The following DOCK1 variants were observed in gnomAD, a reference collection of about 807,000 sequenced individuals.
DOCK1 encodes the protein dedicator of cytokinesis 1, also known as dedicator of cytokinesis protein 1.
A neutral mutation model predicts 262.7 loss-of-function variants in DOCK1; 138 were observed. The ratio of observed to expected loss-of-function variants is 0.53; its 90% CI spans 0.46 to 0.61. The LOEUF (loss-of-function observed/expected upper bound fraction) is 0.61. DOCK1 is among the 20% of genes least tolerant of loss of function. The pLI, the probability that DOCK1 is intolerant of heterozygous loss-of-function variation, is 0.00. For synonymous variants in DOCK1, 866 were observed against 867.4 expected, an observed-to-expected ratio of 1.00 and a Z score of 0.03; for missense variants, 1,908 against 2,370.7, an observed-to-expected ratio of 0.80 and a Z score of 4.05.
intron 23 of DOCK1, among the ~76,000 whole-genome samples, chr10:127,077,838 G>T (rs568342239): frequency 3.3e-5 from 5 of 152,244 alleles, no homozygotes; most frequent in South Asian, 4.2e-4. Context: ...CCTCAGAGCA[G>T]GTTGGACTGC....
chr10:126,938,335 A>T (rs976402042), intron 1 of DOCK1, among the ~76,000 whole-genome samples: 1 of 152,238 alleles, frequency 6.6e-6, no homozygotes, highest in Non-Finnish European at 1.5e-5. Context: ...GGCAAGAGCC[A>T]CTGCGCCCGG....
intron 48 of DOCK1, 151 bp from the exon 49 acceptor site, chr10:127,438,876 G>T: frequency 1.4e-6 from 1 of 714,602 alleles, no homozygotes; most frequent in Non-Finnish European, 2.3e-6. Flanking sequence ...CTTGCATCTG[G>T]TGACTGTGTA....
intron 27 of DOCK1, among the ~76,000 whole-genome samples, chr10:127,201,247 C>T (rs1367602390): frequency 6.6e-6 from 1 of 152,164 alleles, no homozygotes; most frequent in South Asian, 2.1e-4. Flanking sequence ...CCTTCACTCT[C>T]CTCTTTCTGG....
intron 29 of DOCK1, among the ~76,000 whole-genome samples, chr10:127,280,160 G>A (rs934164082): frequency 1.3e-5 from 2 of 149,884 alleles, no homozygotes; most frequent in Non-Finnish European, 3.0e-5. Flanking sequence ...TCAGCCTCCC[G>A]AGTAGCTGGG....
intron 29 of DOCK1, among the ~76,000 whole-genome samples, chr10:127,329,553 GA>G: frequency 6.6e-6 from 1 of 152,172 alleles, no homozygotes; most frequent in Admixed American, 6.5e-5. Flanking sequence ...CTGGGGCGGG[GA>G]CTCTGGGGCG....
chr10:127,428,198 T>A (rs2068945896), intron 47 of DOCK1, among the ~76,000 whole-genome samples: 1 of 152,270 alleles, frequency 6.6e-6, no homozygotes, highest in Non-Finnish European at 1.5e-5. Context: ...TTGTGAAATC[T>A]TGACATTTTC....
chr10:126,948,569 A>C (rs1163717167), intron 1 of DOCK1, among the ~76,000 whole-genome samples: 8 of 151,996 alleles, frequency 5.3e-5, no homozygotes, highest in South Asian at 4.2e-4. Context: ...GGGTCGGGAT[A>C]GGCACCCTGA....
At chr10:127,092,774 CG>C (rs1217090245) in intron 23 of DOCK1, among the ~76,000 whole-genome samples, 3 of 152,138 alleles carry the variant, frequency 2.0e-5, no homozygotes, top group Admixed American at 6.6e-5. Context: ...TGAGCCACCG[CG>C]CCCGGCAGAC....
chr10:127,253,079 G>A (rs932958662), intron 28 of DOCK1, among the ~76,000 whole-genome samples: 2 of 152,218 alleles, frequency 1.3e-5, no homozygotes, highest in South Asian at 4.2e-4. Context: ...AGAACTCTGA[G>A]GACAGAGACC....
intron 28 of DOCK1, among the ~76,000 whole-genome samples, chr10:127,252,532 A>G (rs1276244571): frequency 1.4e-5 from 2 of 146,262 alleles, no homozygotes; most frequent in Admixed American, 6.9e-5. Flanking sequence ...CTAATGTTTA[A>G]GTCTTTAATC....
In DOCK1 at chr10:127,008,745, A is replaced by C; in HGVS notation, c.999A>C (p.Thr333=). 6.3e-7 allele frequency: 1 copy of C among 1,594,860 alleles called. No homozygotes were observed. The highest frequency in any genetic ancestry group is 2.2e-5 in the East Asian group (1 of 44,460). ...RPFGVAVMDV[T]DIINGKVDDE... ...TTTTGTCTCCAGTGATGGATGTAAC[A>C]GATATAATAAATGGAAAAGTAGATG... The change falls in exon 11 of 52, where the codon ACA becomes ACC. Residue 333 remains threonine (T), a synonymous_variant. Coordinates refer to ENST00000623213, the MANE Select transcript of DOCK1 (RefSeq NM_001290223.2).
At chr10:127,287,090 G>A (rs2061183365) in intron 29 of DOCK1, among the ~76,000 whole-genome samples, 1 of 151,758 alleles carries the variant, frequency 6.6e-6, no homozygotes, top group African/African-American at 2.4e-5. Flanking sequence ...TGTATTTTTA[G>A]TAGAGGCTGG....
chr10:127,282,393 C>T (rs1002179491), intron 29 of DOCK1, among the ~76,000 whole-genome samples: 2 of 152,160 alleles, frequency 1.3e-5, no homozygotes, highest in Admixed American at 1.3e-4. Flanking sequence ...TGACTTGCAT[C>T]TCCGAGGTCC....
intron 2 of DOCK1, among the ~76,000 whole-genome samples, chr10:126,974,597 T>A (rs1032302952): frequency 2.6e-5 from 4 of 152,150 alleles, no homozygotes; most frequent in Non-Finnish European, 5.9e-5. Context: ...ATCCCCTCTT[T>A]GCTGTGCCCC....
At chr10:126,944,186 G>A (rs1366797850) in intron 1 of DOCK1, among the ~76,000 whole-genome samples, 3 of 151,762 alleles carry the variant, frequency 2.0e-5, no homozygotes, top group African/African-American at 7.3e-5. Flanking sequence ...GGAGTGCCAT[G>A]TCCTGACTGA....
rs372341753 is a variant in DOCK1 at position 127,253,640 on chromosome 10, G to A, written c.2950-3695G>A. On this transcript the variant is annotated intron_variant, in intron 28 of 51. Coordinates refer to ENST00000623213, the MANE Select transcript of DOCK1 (RefSeq NM_001290223.2). The stretch of plus-strand genomic sequence containing the variant: ...TGTAATCCCAGCACTTTGGGAGGTC[G>A]AAGCAGAAAGATCTATTGAGCCCAG... Among the ~76,000 whole-genome samples the A allele has an allele frequency of 4.6e-4, 70 of 152,176 alleles. No individual in the cohort carries two copies. In the South Asian group the frequency reaches 0.011, roughly 23 times the overall value.
intron 29 of DOCK1, among the ~76,000 whole-genome samples, chr10:127,265,656 C>A (rs1042262847): frequency 1.3e-5 from 2 of 152,232 alleles, no homozygotes; most frequent in African/African-American, 4.8e-5. Flanking sequence ...CAGCTCCTTT[C>A]ATGAGGAAAA....
intron 27 of DOCK1, among the ~76,000 whole-genome samples, chr10:127,207,172 A>G (rs1358884629): frequency 1.3e-5 from 2 of 152,264 alleles, no homozygotes; most frequent in South Asian, 4.1e-4. Context: ...AATTTATGCC[A>G]ACCAGTTCTT....
rs533537521 is a variant in DOCK1 at position 127,188,783 on chromosome 10, G to A, written c.2848-59225G>A. Among the ~76,000 whole-genome samples, 17 of 152,340 alleles carry A rather than the reference G, an allele frequency of 1.1e-4. 1 individual carries two copies. The East Asian group carries it at 1.7e-3, about 16-fold the overall frequency. Reference sequence around the variant, plus strand: ...TAACACTCAGCACAAGCTAGGTACCGTTCTGTGCTTTGTGTATGTCTGAAC... The same window carrying A: ...TAACACTCAGCACAAGCTAGGTACCATTCTGTGCTTTGTGTATGTCTGAAC... On this transcript the variant is annotated intron_variant, in intron 27 of 51. Transcript: ENST00000623213.
Sources: allele counts gnomAD v4.1 joint callset (sites outside exome capture counted in the v4.1 genomes callset), GRCh38; gene constraint gnomAD v4.1.1; transcripts MANE v1.5; gene names NCBI Gene and HGNC (gene_info 2026-07-23, HGNC 2026-07-21).